The following SLC2A13 variants were observed in gnomAD, a reference collection of about 807,000 sequenced individuals.
The protein encoded by SLC2A13 is proton myo-inositol cotransporter.
SLC2A13 carries 32 observed loss-of-function variants against 64.4 expected under a neutral mutation model. That is an observed-to-expected ratio of 0.50 (90% CI 0.37 to 0.67). The LOEUF (loss-of-function observed/expected upper bound fraction) is 0.67. SLC2A13 is among the 30% of genes least tolerant of loss of function. The probability of loss-of-function intolerance (pLI) is 0.00; values close to 1 mark genes in which losing one functional copy is unlikely to be tolerated. For missense variants in SLC2A13, 743 were observed against 829.2 expected (o/e 0.90, Z 1.28); for synonymous variants, 338 against 327.1 (o/e 1.03, Z -0.36).
intron 4 of SLC2A13, among the ~76,000 whole-genome samples, chr12:39,932,631 G>C (rs1156365542): frequency 2.0e-5 from 3 of 152,160 alleles, no homozygotes; most frequent in South Asian, 4.1e-4. Flanking sequence ...GGAAAAAATG[G>C]ATTGATGTGA....
intron 6 of SLC2A13, among the ~76,000 whole-genome samples, chr12:39,862,148 G>T (rs545657967): frequency 3.2e-4 from 49 of 152,196 alleles, no homozygotes; most frequent in African/African-American, 1.2e-3. Flanking sequence ...ATTGAATCAG[G>T]CCTTGGAAAA....
chr12:39,775,669 T>A (rs545132555), intron 7 of SLC2A13, among the ~76,000 whole-genome samples: 1 of 152,112 alleles, frequency 6.6e-6, no homozygotes, highest in East Asian at 1.9e-4. Flanking sequence ...AAAGTTGGAG[T>A]GGGTAAGATA....
At chr12:40,020,367 G>C (rs1032075706) in intron 3 of SLC2A13, among the ~76,000 whole-genome samples, 30 of 152,226 alleles carry the variant, frequency 2.0e-4, no homozygotes, top group African/African-American at 7.2e-4. Context: ...GAGTTCTCAC[G>C]AGCTCTGACG....
rs567778239 is a variant in SLC2A13 at position 39,880,484 on chromosome 12, T to A, written c.1035-8523A>T. On this transcript the variant is annotated intron_variant, in intron 4 of 9. Coordinates refer to ENST00000280871, the MANE Select transcript of SLC2A13 (RefSeq NM_052885.4). ...AAGTAGAAATCACAATTGCACATATTTCATACGAGGGATTTGAGCTAACAT... is the reference window on the plus strand; with the variant it reads ...AAGTAGAAATCACAATTGCACATATATCATACGAGGGATTTGAGCTAACAT... Among the ~76,000 whole-genome samples, 12 of 152,268 alleles carry A rather than the reference T, an allele frequency of 7.9e-5. No individual in the cohort carries two copies. The South Asian group carries it at 2.3e-3, about 29-fold the overall frequency.
chr12:39,817,623 A>T (rs1297608444), intron 7 of SLC2A13, among the ~76,000 whole-genome samples: 1 of 152,186 alleles, frequency 6.6e-6, no homozygotes. Context: ...ATTCACGAAA[A>T]AGTTAGCTGT....
intron 3 of SLC2A13, among the ~76,000 whole-genome samples, chr12:40,001,940 T>C (rs997552903): frequency 1.3e-5 from 2 of 152,192 alleles, no homozygotes; most frequent in Admixed American, 6.5e-5. Context: ...AAAATCAATT[T>C]CCATAATTAA....
At chr12:40,075,596 A>G (rs575892958) in intron 1 of SLC2A13, among the ~76,000 whole-genome samples, 2 of 152,278 alleles carry the variant, frequency 1.3e-5, no homozygotes, top group East Asian at 3.9e-4. Context: ...AAATAATACC[A>G]TTTGAAGTTT....
At chr12:39,846,709 C>A (rs566795288) in intron 6 of SLC2A13, among the ~76,000 whole-genome samples, 1 of 152,152 alleles carries the variant, frequency 6.6e-6, no homozygotes, top group Non-Finnish European at 1.5e-5. Flanking sequence ...GCCTCGGCCT[C>A]CTAAAATGCT....
At chr12:39,955,272 G>C (rs1287880757) in intron 3 of SLC2A13, among the ~76,000 whole-genome samples, 1 of 152,114 alleles carries the variant, frequency 6.6e-6, no homozygotes, top group East Asian at 1.9e-4. Flanking sequence ...ATGAAAATTA[G>C]TAAGAATATA....
At chr12:39,792,812 A>AC (rs1941449438) in intron 7 of SLC2A13, among the ~76,000 whole-genome samples, 1 of 150,986 alleles carries the variant, frequency 6.6e-6, no homozygotes, top group South Asian at 2.1e-4. Flanking sequence ...TGAAAAAAAA[A>AC]AACCCCACAT....
chr12:39,853,535 CTTTCT>C (rs1156648843), intron 6 of SLC2A13, among the ~76,000 whole-genome samples: 2 of 151,584 alleles, frequency 1.3e-5, no homozygotes, highest in East Asian at 1.9e-4. Context: ...TTTTTTTCTC[CTTTCT>C]TTTCTTTTCT....
intron 4 of SLC2A13, among the ~76,000 whole-genome samples, chr12:39,879,202 C>T (rs1944276183): frequency 6.6e-6 from 1 of 152,248 alleles, no homozygotes; most frequent in African/African-American, 2.4e-5. Context: ...CAGAAGCCTG[C>T]TGCAGGGGCA....
chr12:39,901,116 G>T (rs912179647), intron 4 of SLC2A13, among the ~76,000 whole-genome samples: 85 of 152,152 alleles, frequency 5.6e-4, no homozygotes, highest in African/African-American at 1.9e-3. Flanking sequence ...TAAATGGTGT[G>T]GGGAAAACTG....
chr12:39,831,587 C>A (rs1297622101), intron 6 of SLC2A13, among the ~76,000 whole-genome samples: 5 of 152,014 alleles, frequency 3.3e-5, no homozygotes, highest in Non-Finnish European at 5.9e-5. Flanking sequence ...TTATGTTGGT[C>A]CTTTCCAAAT....
At chr12:39,953,688 C>T (rs1946271213) in intron 3 of SLC2A13, among the ~76,000 whole-genome samples, 1 of 152,122 alleles carries the variant, frequency 6.6e-6, no homozygotes, top group Non-Finnish European at 1.5e-5. Flanking sequence ...CAGAAATTCT[C>T]ACATTATAAA....
chr12:39,962,243 A>G (rs1023992494), intron 3 of SLC2A13, among the ~76,000 whole-genome samples: 1 of 152,108 alleles, frequency 6.6e-6, no homozygotes, highest in Admixed American at 6.5e-5. Context: ...GGCGCACACC[A>G]CCATGCCCAG....
intron 3 of SLC2A13, among the ~76,000 whole-genome samples, chr12:39,981,740 C>T (rs1436884544): frequency 6.7e-6 from 1 of 149,040 alleles, no homozygotes; most frequent in Non-Finnish European, 1.5e-5. Context: ...CGAATTCTAC[C>T]AGAGGTACAA....
intron 4 of SLC2A13, among the ~76,000 whole-genome samples, chr12:39,886,161 T>A (rs1944460009): frequency 6.6e-6 from 1 of 152,114 alleles, no homozygotes; most frequent in South Asian, 2.1e-4. Flanking sequence ...GAAAGAAAGA[T>A]GATCAATTTT....
At chr12:40,024,164 T>C (rs886207571) in intron 3 of SLC2A13, among the ~76,000 whole-genome samples, 1 of 152,188 alleles carries the variant, frequency 6.6e-6, no homozygotes, top group Non-Finnish European at 1.5e-5. Flanking sequence ...CAATATGATA[T>C]AAACTAGGAA....
Sources: gnomAD v4.1 joint callset for allele counts (sites outside exome capture counted in the v4.1 genomes callset) on GRCh38, gnomAD v4.1.1 for gene constraint, MANE v1.5 for transcripts, NCBI Gene and HGNC (gene_info 2026-07-23, HGNC 2026-07-21) for gene names.